ACER3: variants seen among roughly 807,000 people sequenced by gnomAD.
ACER3 encodes the protein alkCDase 3.
In ACER3, 16 loss-of-function variants were observed where a neutral mutation model predicts 48.9. That is an observed-to-expected ratio of 0.33 (90% CI 0.22 to 0.50). The LOEUF (loss-of-function observed/expected upper bound fraction) is 0.50, where lower values mean the gene tolerates loss of function less well. Ranked by LOEUF, ACER3 falls within the 20% of genes least tolerant of loss-of-function variation. The pLI is 0.98. For synonymous variants in ACER3, 109 were observed against 107.8 expected (o/e 1.01, Z -0.07); for missense variants, 227 against 326.0 (o/e 0.70, Z 2.34).
intron 7 of ACER3, among the ~76,000 whole-genome samples, chr11:77,008,430 T>C (rs1591063765): frequency 1.3e-5 from 2 of 152,190 alleles, no homozygotes; most frequent in East Asian, 3.9e-4. Context: ...GGCAATCCTA[T>C]GAAATAAAAG....
At chr11:76,910,364 A>T (rs1314985499) in intron 1 of ACER3, among the ~76,000 whole-genome samples, 1 of 152,130 alleles carries the variant, frequency 6.6e-6, no homozygotes, top group Non-Finnish European at 1.5e-5. Flanking sequence ...ATATAATTCC[A>T]TTGAATCTAT....
intron 3 of ACER3, among the ~76,000 whole-genome samples, chr11:76,963,975 G>C (rs1180603517): frequency 1.3e-5 from 2 of 151,450 alleles, no homozygotes; most frequent in Non-Finnish European, 2.9e-5. Flanking sequence ...GTGCAGGTCA[G>C]TGGGTGCAGT....
At chr11:76,889,861 G>T (rs1427949311) in intron 1 of ACER3, among the ~76,000 whole-genome samples, 2 of 148,910 alleles carry the variant, frequency 1.3e-5, no homozygotes, top group African/African-American at 4.9e-5. Context: ...TTTCAAATCT[G>T]CCTGGCCATT....
chr11:76,957,434 C>A, intron 2 of ACER3: 1 of 450,006 alleles, frequency 2.2e-6, no homozygotes, highest in South Asian at 1.6e-5. Context: ...TAATTTTTAA[C>A]TTTTTGTGTG....
chr11:77,014,525 A>G (rs950782871), intron 7 of ACER3, among the ~76,000 whole-genome samples: 3 of 152,206 alleles, frequency 2.0e-5, no homozygotes, highest in Admixed American at 6.5e-5. Context: ...GTGTAACTAC[A>G]TTGCCTTACA....
At chr11:76,996,420 A>T (rs1455201440) in intron 6 of ACER3, among the ~76,000 whole-genome samples, 27 of 140,012 alleles carry the variant, frequency 1.9e-4, no homozygotes, top group Non-Finnish European at 3.8e-4. Flanking sequence ...TATTATTATT[A>T]TTATTATTAT....
chr11:76,933,836 T>C (rs10899323), intron 2 of ACER3, among the ~76,000 whole-genome samples: 71,316 of 142,468 alleles, frequency 0.5, 17,251 homozygotes, highest in Non-Finnish European at 0.64. Flanking sequence ...GCGGAGGGGC[T>C]CCTCACTTCC....
intron 3 of ACER3, among the ~76,000 whole-genome samples, chr11:76,970,339 C>T (rs527416309): frequency 6.6e-6 from 1 of 152,308 alleles, no homozygotes; most frequent in South Asian, 2.1e-4. Context: ...AATGTCATCA[C>T]TTCTCTGATA....
At chr11:76,925,274 A>G (rs939794090) in intron 1 of ACER3, among the ~76,000 whole-genome samples, 1 of 152,166 alleles carries the variant, frequency 6.6e-6, no homozygotes, top group Non-Finnish European at 1.5e-5. Flanking sequence ...TATTTTACAG[A>G]TATACCTGCA....
intron 1 of ACER3, among the ~76,000 whole-genome samples, chr11:76,911,939 G>T (rs11237007): frequency 0.021 from 3,232 of 152,186 alleles, 117 homozygotes; most frequent in African/African-American, 0.074. Flanking sequence ...GGGAAGCTGG[G>T]GAGTTTCTCC....
At chr11:76,957,644 A>G (rs1349831136) in intron 2 of ACER3, 2 of 263,504 alleles carry the variant, frequency 7.6e-6, no homozygotes, top group Non-Finnish European at 7.7e-6. Flanking sequence ...GGGTTTCACC[A>G]TGTTGACCAG....
At chr11:76,977,314 A>G (rs1948468186) in intron 4 of ACER3, among the ~76,000 whole-genome samples, 1 of 152,206 alleles carries the variant, frequency 6.6e-6, no homozygotes, top group Admixed American at 6.5e-5. Flanking sequence ...ACACTTTGAT[A>G]GGCTGCCTGG....
At chr11:76,999,471 C>G (rs1370440071) in intron 7 of ACER3, among the ~76,000 whole-genome samples, 1 of 151,574 alleles carries the variant, frequency 6.6e-6, no homozygotes, top group East Asian at 1.9e-4. Context: ...GTATCCTTTA[C>G]CAATCTCCTC....
intron 2 of ACER3, 75 bp downstream of exon 2, chr11:76,926,742 G>C: frequency 3.0e-6 from 3 of 989,132 alleles, no homozygotes; most frequent in Non-Finnish European, 3.0e-6. Flanking sequence ...TCTAAAAGCG[G>C]TTTTCAATTT....
intron 6 of ACER3, among the ~76,000 whole-genome samples, chr11:76,994,463 T>C (rs1413987782): frequency 2.0e-5 from 3 of 152,012 alleles, no homozygotes; most frequent in Non-Finnish European, 1.5e-5. Context: ...ACAGGGTTTT[T>C]TCGTGTTGGC....
chr11:76,965,229 A>C (rs1320011482), intron 3 of ACER3, among the ~76,000 whole-genome samples: 1 of 151,370 alleles, frequency 6.6e-6, no homozygotes, highest in African/African-American at 2.5e-5. Flanking sequence ...GACGAAATGA[A>C]TGAAATGAAG....
chr11:77,000,657 G>A (rs1483853102), intron 7 of ACER3, among the ~76,000 whole-genome samples: 3 of 152,186 alleles, frequency 2.0e-5, no homozygotes, highest in Non-Finnish European at 4.4e-5. Flanking sequence ...AGACCCATTA[G>A]TGGAAAAGAC....
At chr11:76,933,988 C>T (rs934303928) in intron 2 of ACER3, among the ~76,000 whole-genome samples, 6 of 144,524 alleles carry the variant, frequency 4.2e-5, no homozygotes, top group African/African-American at 1.6e-4. Context: ...GCTGTGCAGA[C>T]GTGCTCCTCA....
intron 7 of ACER3, among the ~76,000 whole-genome samples, chr11:77,003,736 T>C (rs190629445): frequency 1.3e-5 from 2 of 152,214 alleles, no homozygotes; most frequent in Non-Finnish European, 2.9e-5. Context: ...GCTTTTTATA[T>C]GTTGTATTTC....
Sources: gnomAD v4.1 joint callset for allele counts (sites outside exome capture counted in the v4.1 genomes callset) on GRCh38, gnomAD v4.1.1 for gene constraint, MANE v1.5 for transcripts, NCBI Gene and HGNC (gene_info 2026-07-23, HGNC 2026-07-21) for gene names.